UBAP2: variants seen among roughly 807,000 people sequenced by gnomAD.
UBAP2 encodes ubiquitin associated protein 2, also known as ubiquitin-associated protein 2.
UBAP2 carries 75 observed loss-of-function variants against 139.6 expected under a neutral mutation model. The observed-to-expected ratio is 0.54, with a 90% CI of 0.45 to 0.65. UBAP2 has a LOEUF of 0.65. Among genes scored for constraint, UBAP2 ranks in the 30% least tolerant of loss-of-function variants. The probability of loss-of-function intolerance (pLI) is 0.00; values close to 1 mark genes in which losing one functional copy is unlikely to be tolerated. For missense variants in UBAP2, 1,368 were observed against 1,369.6 expected (o/e 1.00, Z 0.02); for synonymous variants, 526 against 526.2 (o/e 1.00, Z 0.01).
intron 7 of UBAP2, 133 bp from the exon 8 acceptor site, chr9:33,971,887 T>C (rs1359809779): frequency 1.7e-6 from 1 of 581,360 alleles, no homozygotes; most frequent in South Asian, 2.1e-5. Flanking sequence ...TCACCTCTCC[T>C]TCCCCTATTT....
At chr9:33,939,911 GGAGGAGAAGAA>G (rs1564022245) in intron 16 of UBAP2, among the ~76,000 whole-genome samples, 1 of 58,656 alleles carries the variant, frequency 1.7e-5, no homozygotes, top group Non-Finnish European at 3.4e-5. Context: ...AGGAGGATGG[GGAGGAGAAGAA>G]GAGGAGAAGG....
Position 33,923,173 on chromosome 9 carries a change from A to AT in UBAP2, c.3004+12_3004+13insA. The AT allele has an allele frequency of 6.2e-7, 1 of 1,613,960 alleles. No homozygotes were observed. The highest frequency in any genetic ancestry group is 8.5e-7 in the Non-Finnish European group (1 of 1,179,860). On this transcript the variant is annotated intron_variant, in intron 26 of 28. Transcript: ENST00000379238. ...CTCCAGGCCTTATCCTGGAAAGGAGAGGTAAACACTACCTTTGCCAGGCCC... is the reference window on the plus strand; with the variant it reads ...CTCCAGGCCTTATCCTGGAAAGGAGATGGTAAACACTACCTTTGCCAGGCCC...
chr9:33,970,250 C>T (rs896260670), intron 8 of UBAP2, among the ~76,000 whole-genome samples: 2 of 151,844 alleles, frequency 1.3e-5, no homozygotes, highest in African/African-American at 2.4e-5. Context: ...CAATTATTCA[C>T]GTTCTCACCT....
Position 33,943,511 on chromosome 9 carries a change from C to A in UBAP2, c.1624G>T (p.Gly542Trp), listed in dbSNP as rs1825408757. The A allele has an allele frequency of 6.2e-7, 1 of 1,614,060 alleles. No homozygotes were observed. Among genetic ancestry groups the A allele is most frequent in the Admixed American group, 1.7e-5 (1 of 59,998 alleles). The change falls in exon 15 of 29, where the codon GGG becomes TGG. Residue 542 changes from glycine to tryptophan, a missense_variant. Physicochemically the swap from Gly to Trp is radical, Grantham distance 184. Coordinates refer to ENST00000379238, the MANE Select transcript of UBAP2 (RefSeq NM_001370062.2). ...LNVQFGALEFGSEPSLSEFGS... is the reference protein window; with the variant it reads ...LNVQFGALEFWSEPSLSEFGS... ...AATTCAGAGAGAGAAGGTTCTGACC[C>A]AAATTCCAGAGCCCCAAACTGCACA...
At chr9:33,980,400 CT>C (rs1362294266) in intron 6 of UBAP2, among the ~76,000 whole-genome samples, 1 of 141,894 alleles carries the variant, frequency 7.0e-6, no homozygotes, top group Non-Finnish European at 1.5e-5. Context: ...ACCAGCTAAT[CT>C]TTTTTTGTAT....
intron 5 of UBAP2, 71 bp from the exon 6 acceptor site, chr9:33,986,908 T>TA (rs1411246409): frequency 3.0e-6 from 4 of 1,315,710 alleles, no homozygotes; most frequent in Non-Finnish European, 4.4e-6. Context: ...ATCAAGCACC[T>TA]ATTAAAGGCA....
chr9:33,992,160 G>A (rs544487940), intron 4 of UBAP2, among the ~76,000 whole-genome samples: 10 of 151,764 alleles, frequency 6.6e-5, no homozygotes, highest in East Asian at 5.8e-4. Context: ...GAGGCTGAGC[G>A]GGTGGATCAC....
intron 11 of UBAP2, among the ~76,000 whole-genome samples, chr9:33,954,017 G>A (rs559428314): frequency 4.0e-5 from 6 of 151,412 alleles, no homozygotes; most frequent in South Asian, 4.2e-4. Context: ...AGCGATTCTC[G>A]TGCCTCAGCC....
intron 13 of UBAP2, among the ~76,000 whole-genome samples, chr9:33,946,989 T>C (rs951181137): frequency 1.3e-5 from 2 of 152,234 alleles, no homozygotes; most frequent in Non-Finnish European, 2.9e-5. Flanking sequence ...CACACTAACC[T>C]ATTAAGAGTG....
chr9:33,944,625 G>A lies in UBAP2; in HGVS notation c.1285C>T (p.Pro429Ser), dbSNP rs1825514391. 1 of 1,613,138 alleles carries A rather than the reference G, an allele frequency of 6.2e-7. No homozygotes were observed. The highest frequency in any genetic ancestry group is 1.3e-5 in the African/African-American group (1 of 74,908). The change falls in exon 14 of 29, where the codon CCT becomes TCT. Residue 429 changes from proline to serine, a missense_variant. Pro to Ser is a moderately conservative substitution (Grantham distance 74). Coordinates refer to ENST00000379238, the MANE Select transcript of UBAP2 (RefSeq NM_001370062.2). The part of the protein sequence containing the change: ...VLSHLDFKSQ[P>S]EPSPVLSQLS... ...TGGCTAAGAACTGGGGATGGCTCAGGTTGAGATTTGAAGTCTAAAAAAAGT... is the reference window on the plus strand; with the variant it reads ...TGGCTAAGAACTGGGGATGGCTCAGATTGAGATTTGAAGTCTAAAAAAAGT...
intron 1 of UBAP2, among the ~76,000 whole-genome samples, chr9:34,028,850 C>T (rs570425103): frequency 1.3e-5 from 2 of 152,154 alleles, no homozygotes; most frequent in Non-Finnish European, 2.9e-5. Flanking sequence ...CAGGGATCCC[C>T]AATCCCCAAC....
intron 4 of UBAP2, chr9:33,995,839 G>C (rs1257960451): frequency 6.5e-6 from 1 of 153,510 alleles, no homozygotes; most frequent in Non-Finnish European, 1.4e-5. Flanking sequence ...ACATATACCA[G>C]CAAATCCTGG....
intron 1 of UBAP2, among the ~76,000 whole-genome samples, chr9:34,020,664 C>CT (rs11332455): frequency 0.012 from 1,702 of 143,648 alleles, 35 homozygotes; most frequent in African/African-American, 0.04. Flanking sequence ...ACTCTGTTTC[C>CT]TTTTTTTTTT....
chr9:33,992,555 C>A (rs1821803459), intron 4 of UBAP2, among the ~76,000 whole-genome samples: 1 of 149,672 alleles, frequency 6.7e-6, no homozygotes, highest in African/African-American at 2.5e-5. Flanking sequence ...GCAAGACTCC[C>A]ATCTCAAAAA....
chr9:33,997,997 G>A (rs1822339862), intron 3 of UBAP2: 1 of 152,174 alleles, frequency 6.6e-6, no homozygotes, highest in South Asian at 2.1e-4. Flanking sequence ...CAGCAAAGAA[G>A]AGTTAGAAAT....
intron 2 of UBAP2, among the ~76,000 whole-genome samples, chr9:34,004,796 T>C (rs1277786061): frequency 7.2e-6 from 1 of 138,486 alleles, no homozygotes; most frequent in East Asian, 2.1e-4. Context: ...AAAAAAAAAA[T>C]AGGGAAAAAA....
intron 1 of UBAP2, among the ~76,000 whole-genome samples, chr9:34,022,433 C>CTTTTT (rs11387718): frequency 1.8e-5 from 2 of 112,372 alleles, no homozygotes; most frequent in African/African-American, 3.4e-5. Flanking sequence ...AGCAAGACCC[C>CTTTTT]TTTTTTTTTT....
intron 24 of UBAP2, 128 bp downstream of exon 24, chr9:33,923,667 G>C: frequency 8.8e-7 from 1 of 1,137,914 alleles, no homozygotes; most frequent in South Asian, 1.4e-5. Flanking sequence ...AGCCTGAACA[G>C]TTTCTGAAGA....
At chr9:33,985,050 T>C (rs780989634) in intron 6 of UBAP2, among the ~76,000 whole-genome samples, 22 of 152,118 alleles carry the variant, frequency 1.4e-4, no homozygotes, top group Non-Finnish European at 2.5e-4. Flanking sequence ...TGGAAAACAG[T>C]ATGGAGATTT....
Sources: gnomAD v4.1 joint callset for allele counts (sites outside exome capture counted in the v4.1 genomes callset) on GRCh38, gnomAD v4.1.1 for gene constraint, MANE v1.5 for transcripts, NCBI Gene and HGNC (gene_info 2026-07-23, HGNC 2026-07-21) for gene names.